Variants in TENM2 observed in about 807,000 individuals in gnomAD.
TENM2 encodes the protein teneurin-2.
In TENM2, 52 loss-of-function variants were observed where a neutral mutation model predicts 245.2. That is an observed-to-expected ratio of 0.21 (90% CI 0.17 to 0.27). The LOEUF (loss-of-function observed/expected upper bound fraction) is 0.27. TENM2 is among the 10% of genes least tolerant of loss of function. TENM2 has a pLI of 1.00. For missense variants in TENM2, 3,046 were observed against 3,666.8 expected, an observed-to-expected ratio of 0.83 and a Z score of 4.37; for synonymous variants, 1,363 against 1,438.9, an observed-to-expected ratio of 0.95 and a Z score of 1.19.
At chr5:167,180,699 C>T in the TENM2 span, among the ~76,000 whole-genome samples, 1 of 151,662 alleles carries the variant, frequency 6.6e-6, no homozygotes, top group Non-Finnish European at 1.5e-5. Flanking sequence ...TACTGCATTC[C>T]TAAAAAAAGG....
At chr5:167,197,870 A>T in the TENM2 span, among the ~76,000 whole-genome samples, 7 of 152,092 alleles carry the variant, frequency 4.6e-5, no homozygotes, top group Non-Finnish European at 8.8e-5. Flanking sequence ...ACATGTGTGT[A>T]TATATAGAGA....
chr5:167,222,385 A>G, the TENM2 span, among the ~76,000 whole-genome samples: 2 of 152,280 alleles, frequency 1.3e-5, no homozygotes, highest in Admixed American at 6.5e-5. Flanking sequence ...TTTCTCTAAA[A>G]CTTAGCTCAG....
At chr5:167,108,857 A>C in the TENM2 span, among the ~76,000 whole-genome samples, 2 of 152,202 alleles carry the variant, frequency 1.3e-5, no homozygotes, top group African/African-American at 4.8e-5. Context: ...AAGAGCTCCA[A>C]AATAACTCGA....
chr5:168,222,114 A>G (rs538347698), intron 23 of TENM2, among the ~76,000 whole-genome samples: 16 of 152,338 alleles, frequency 1.1e-4, no homozygotes, highest in African/African-American at 2.9e-4. Context: ...GTTTCACTCA[A>G]CTAACTGTAG....
At chr5:167,771,074 G>GA (rs1397242863) in intron 2 of TENM2, among the ~76,000 whole-genome samples, 1 of 152,000 alleles carries the variant, frequency 6.6e-6, no homozygotes, top group African/African-American at 2.4e-5. Context: ...AAGGAGAGGG[G>GA]AGAGAGAAGA....
chr5:167,634,675 C>A (rs1779081802), intron 2 of TENM2, among the ~76,000 whole-genome samples: 3 of 151,042 alleles, frequency 2.0e-5, no homozygotes, highest in Non-Finnish European at 4.4e-5. Context: ...TTTTTTTTAA[C>A]CACGTACTTA....
intron 2 of TENM2, among the ~76,000 whole-genome samples, chr5:167,602,125 C>T (rs1323510940): frequency 6.6e-6 from 1 of 152,024 alleles, no homozygotes; most frequent in Non-Finnish European, 1.5e-5. Flanking sequence ...TGTCGTATTT[C>T]TCTTCTCTAG....
At chr5:167,503,765 A>G (rs1769366656) in intron 2 of TENM2, among the ~76,000 whole-genome samples, 1 of 152,158 alleles carries the variant, frequency 6.6e-6, no homozygotes, top group Non-Finnish European at 1.5e-5. Context: ...CCAGTGGCCC[A>G]TGCCTGTAGT....
chr5:167,048,264 T>G, the TENM2 span, among the ~76,000 whole-genome samples: 1 of 152,136 alleles, frequency 6.6e-6, no homozygotes, highest in Non-Finnish European at 1.5e-5. Flanking sequence ...CTAAAGTAAT[T>G]AAAAAAATTC....
intron 2 of TENM2, among the ~76,000 whole-genome samples, chr5:167,500,061 G>GGTGTGTGT (rs10664934): frequency 1.4e-5 from 2 of 148,002 alleles, no homozygotes; most frequent in South Asian, 2.1e-4. Flanking sequence ...TATATATGAG[G>GGTGTGTGT]GTGTGTGTGT....
intron 8 of TENM2, among the ~76,000 whole-genome samples, chr5:168,096,440 A>G (rs146287288): frequency 6.6e-6 from 1 of 152,244 alleles, no homozygotes; most frequent in African/African-American, 2.4e-5. Context: ...GTTGTTACAC[A>G]TTAAGGAAAC....
intron 9 of TENM2, among the ~76,000 whole-genome samples, chr5:168,100,946 A>T (rs947041606): frequency 2.7e-5 from 4 of 150,614 alleles, no homozygotes; most frequent in African/African-American, 9.8e-5. Context: ...AAAAAAGACA[A>T]GATGCTGCCC....
chr5:167,887,118 C>G (rs895263703), intron 3 of TENM2, among the ~76,000 whole-genome samples: 1 of 152,248 alleles, frequency 6.6e-6, no homozygotes, highest in South Asian at 2.1e-4. Flanking sequence ...GCTTTCCCAA[C>G]CAACACTGCC....
At chr5:167,145,383 T>C in the TENM2 span, among the ~76,000 whole-genome samples, 1 of 152,182 alleles carries the variant, frequency 6.6e-6, no homozygotes, top group Admixed American at 6.5e-5. Flanking sequence ...GAGATGCCAC[T>C]ACCAGCTTCA....
At chr5:167,196,722 A>T in the TENM2 span, among the ~76,000 whole-genome samples, 1 of 151,964 alleles carries the variant, frequency 6.6e-6, no homozygotes, top group Non-Finnish European at 1.5e-5. Flanking sequence ...TAAAAATAAC[A>T]CAAAGTTAAA....
chr5:167,248,636 G>T, the TENM2 span, among the ~76,000 whole-genome samples: 9,522 of 152,224 alleles, frequency 0.063, 524 homozygotes, highest in East Asian at 0.19. Flanking sequence ...CTGTGTGTGT[G>T]TGTTGGTGGC....
chr5:167,670,123 T>C (rs1170730969), intron 2 of TENM2, among the ~76,000 whole-genome samples: 1 of 152,180 alleles, frequency 6.6e-6, no homozygotes, highest in Non-Finnish European at 1.5e-5. Flanking sequence ...AACAAAACCT[T>C]TGTTAAGAAT....
At chr5:167,852,561 A>T (rs138863993) in intron 2 of TENM2, among the ~76,000 whole-genome samples, 1,659 of 152,290 alleles carry the variant, frequency 0.011, 22 homozygotes, top group Non-Finnish European at 0.013. Context: ...ACAAGACAAG[A>T]ATTTAGTAGT....
At chr5:168,190,796 T>G in intron 14 of TENM2, 3 of 356,642 alleles carry the variant, frequency 8.4e-6, no homozygotes, top group East Asian at 4.7e-5. Context: ...CACCTGTTGA[T>G]TCCCTGGTTT....
Sources: gnomAD v4.1 joint callset for allele counts (sites outside exome capture counted in the v4.1 genomes callset) on GRCh38, gnomAD v4.1.1 for gene constraint, MANE v1.5 for transcripts, NCBI Gene and HGNC (gene_info 2026-07-23, HGNC 2026-07-21) for gene names.